The following GLIPR1 variants were observed in gnomAD, a reference collection of about 807,000 sequenced individuals.
GLIPR1 encodes GLI pathogenesis related 1.
Under a neutral mutation model 30.3 loss-of-function variants are expected in GLIPR1, and 38 were observed. The ratio of observed to expected loss-of-function variants is 1.26; its 90% CI spans 0.97 to 1.65. The LOEUF (loss-of-function observed/expected upper bound fraction) is 1.65, where lower values mean the gene tolerates loss of function less well. Ranked by LOEUF, GLIPR1 falls within the 40% of genes most tolerant of loss-of-function variation. The probability of loss-of-function intolerance (pLI) is 0.00; values close to 1 mark genes in which losing one functional copy is unlikely to be tolerated. For missense variants in GLIPR1, 285 were observed against 326.5 expected (o/e 0.87, Z 0.98); for synonymous variants, 122 against 110.6 (o/e 1.10, Z -0.65).
At chr12:75,495,909 T>C (rs537522133) in intron 4 of GLIPR1, 6 of 301,388 alleles carry the variant, frequency 2.0e-5, no homozygotes, top group African/African-American at 8.7e-5. Context: ...TGTCAGAAAC[T>C]GTAGACTAAG....
At chr12:75,490,194 T>G (rs1257853575) in intron 2 of GLIPR1, among the ~76,000 whole-genome samples, 1 of 57,540 alleles carries the variant, frequency 1.7e-5, no homozygotes, top group Admixed American at 2.7e-4. Flanking sequence ...ATTATCTTAT[T>G]TCACACACAC....
At position 75,495,609 on chromosome 12, in the gene GLIPR1, G is replaced by A. The variant is rs765859318; in HGVS notation, c.566G>A (p.Gly189Glu). The change falls in exon 4 of 6, where the codon GGA (glycine) becomes GAA (glutamate). Residue 189 changes from glycine to glutamate, a missense_variant. By Grantham distance (98) the Gly-to-Glu change is moderately conservative. Transcript: ENST00000266659. ...GNYPTWPYKRGATCSACPNND... is the reference protein window; with the variant it reads ...GNYPTWPYKREATCSACPNND... The stretch of plus-strand genomic sequence containing the variant: ...TACCCAACTTGGCCATATAAGAGAG[G>A]AGCCACCTGCAGTGCCTGCCCCAAT... 1.9e-6 allele frequency: 3 copies of A among 1,610,294 alleles called. No individual in the cohort carries two copies. Among genetic ancestry groups the A allele is most frequent in the Admixed American group, 1.7e-5 (1 of 59,996 alleles).
chr12:75,482,378 A>C (rs910117381), intron 2 of GLIPR1, among the ~76,000 whole-genome samples: 1 of 152,202 alleles, frequency 6.6e-6, no homozygotes, highest in African/African-American at 2.4e-5. Context: ...TTATGAGTGA[A>C]AGGATTTTCA....
rs746309452 is a variant in GLIPR1 at position 75,482,090 on chromosome 12, G to A, written c.420+11G>A. 3 of 1,609,490 alleles carry A rather than the reference G, an allele frequency of 1.9e-6. No homozygotes were observed. Among genetic ancestry groups the A allele is most frequent in the Non-Finnish European group, 2.5e-6 (3 of 1,176,510 alleles). ...GGCCACTACACTCAGGTAAGGATCT[G>A]CCCTATATTATCTTGAAACTGTCTT... On this transcript the variant is annotated intron_variant, in intron 2 of 5. Transcript: ENST00000266659.
At chr12:75,487,585 C>T (rs2046299472) in intron 2 of GLIPR1, among the ~76,000 whole-genome samples, 1 of 152,144 alleles carries the variant, frequency 6.6e-6, no homozygotes, top group African/African-American at 2.4e-5. Flanking sequence ...AAGGAGGGTA[C>T]CCTCTCCAGT....
At position 75,481,847 on chromosome 12, in the gene GLIPR1, C is replaced by G; in HGVS notation, c.188C>G (p.Ala63Gly). 6.2e-7 allele frequency: 1 copy of G among 1,613,976 alleles called. No individual in the cohort carries two copies. Among genetic ancestry groups the G allele is most frequent in the Non-Finnish European group, 8.5e-7 (1 of 1,179,870 alleles). The change falls in exon 2 of 6, where the codon GCA becomes GGA. Residue 63 changes from alanine to glycine, a missense_variant. Ala to Gly is a moderately conservative substitution (Grantham distance 60, BLOSUM62 0). Coordinates refer to ENST00000266659, the MANE Select transcript of GLIPR1 (RefSeq NM_006851.3). The part of the protein sequence containing the change: ...SDMLYMTWDP[A>G]LAQIAKAWAS... ...TTATTTTTGCAGACTTGGGACCCAG[C>G]ACTAGCCCAAATTGCAAAAGCATGG...
chr12:75,481,824 A>C lies in GLIPR1; in HGVS notation c.175-10A>C. The C allele has an allele frequency of 6.2e-7, 1 of 1,613,392 alleles. No individual in the cohort carries two copies. Among genetic ancestry groups the C allele is most frequent in the South Asian group, 1.1e-5 (1 of 91,068 alleles). ...ATGAACCCCCTATTGTTTAATGTTT[A>C]TTTTTGCAGACTTGGGACCCAGCAC... On this transcript the variant is annotated splice_polypyrimidine_tract_variant and intron_variant, in intron 1 of 5. Transcript: ENST00000266659.
At position 75,487,877 on chromosome 12, in the gene GLIPR1, AC is replaced by A. The variant is rs2046300973; in HGVS notation, c.421-2528del. 4 of 443,152 alleles carry A rather than the reference AC, an allele frequency of 9.0e-6. No homozygotes were observed. The Admixed American group carries it at 9.6e-5, about 11-fold the overall frequency. The allele number at this position is 443,152 out of a possible 1,614,324, so 27.5% of individuals were successfully genotyped here. On this transcript the variant is annotated intron_variant, in intron 2 of 5. Coordinates refer to ENST00000266659, the MANE Select transcript of GLIPR1 (RefSeq NM_006851.3). ...AAATAAAAGAATGGCTACTCCATAGACAGAGCAGTCCTGAGGGCTGCTGGTT... is the reference window on the plus strand; with the variant it reads ...AAATAAAAGAATGGCTACTCCATAGAAGAGCAGTCCTGAGGGCTGCTGGTT...
In GLIPR1 at chr12:75,499,715, C is replaced by T; in HGVS notation, c.*737C>T. 1.2e-6 allele frequency: 1 copy of T among 861,760 alleles called. No individual in the cohort carries two copies. Among genetic ancestry groups the T allele is most frequent in the East Asian group, 2.8e-5 (1 of 35,346 alleles). 53.4% of individuals were successfully genotyped at this position (861,760 alleles called of 1,614,324 possible). On this transcript the variant is annotated 3_prime_UTR_variant, in exon 6 of 6. Coordinates refer to ENST00000266659, the MANE Select transcript of GLIPR1 (RefSeq NM_006851.3). Reference sequence around the variant, plus strand: ...ACCACCACCAAAAAAAAAAAAAGCCCTCAGAAAATTTCTCACAAATAAGGC... The same window carrying T: ...ACCACCACCAAAAAAAAAAAAAGCCTTCAGAAAATTTCTCACAAATAAGGC...
chr12:75,481,776 T>G, intron 1 of GLIPR1, 58 bp from the exon 2 acceptor site: 1 of 1,528,686 alleles, frequency 6.5e-7, no homozygotes, highest in Non-Finnish European at 9.0e-7. Flanking sequence ...ATTCCCACTG[T>G]ACTCACCCCA....
intron 2 of GLIPR1, among the ~76,000 whole-genome samples, chr12:75,487,984 G>A (rs189607952): frequency 6.6e-6 from 1 of 152,250 alleles, no homozygotes; most frequent in Non-Finnish European, 1.5e-5. Context: ...GACGATACAG[G>A]GTAACTTCCT....
rs572341934 is a variant in GLIPR1 at position 75,487,963 on chromosome 12, C to T, written c.421-2443C>T. Among the ~76,000 whole-genome samples the T allele has an allele frequency of 3.7e-4, 57 of 152,256 alleles. 1 individual carries two copies. Among genetic ancestry groups the T allele is most frequent in the Admixed American group, 3.4e-3 (52 of 15,306 alleles). On this transcript the variant is annotated intron_variant, in intron 2 of 5. Coordinates refer to ENST00000266659, the MANE Select transcript of GLIPR1 (RefSeq NM_006851.3). ...AAACAAGGGGCAGATTATTCATGCC[C>T]TCCCTTTTTAGACGATACAGGGTAA...
At chr12:75,487,671 T>C (rs2046299869) in intron 2 of GLIPR1, 1 of 439,844 alleles carries the variant, frequency 2.3e-6, no homozygotes, top group Non-Finnish European at 4.6e-6. Flanking sequence ...ACCACACCTT[T>C]AAATCTTGGA....
chr12:75,495,567 T>C lies in GLIPR1; in HGVS notation c.534-10T>C, dbSNP rs1318003990. On this transcript the variant is annotated splice_polypyrimidine_tract_variant and intron_variant, in intron 3 of 5. Transcript: ENST00000266659. ...AAACTTCTAATGGACATCCTTCTTC[T>C]GCTTTACAGAGGGAATTACCCAACT... 6.5e-7 allele frequency: 1 copy of C among 1,536,372 alleles called. No homozygotes were observed.
intron 1 of GLIPR1, among the ~76,000 whole-genome samples, chr12:75,481,577 C>T (rs2046271207): frequency 1.3e-5 from 2 of 152,074 alleles, no homozygotes; most frequent in Non-Finnish European, 2.9e-5. Flanking sequence ...TTGTGAAACA[C>T]GGCACACACT....
At chr12:75,497,731 G>GTC (rs972661619) in intron 4 of GLIPR1, 1 of 151,996 alleles carries the variant, frequency 6.6e-6, no homozygotes, top group Non-Finnish European at 1.5e-5. Flanking sequence ...TTCCTTCGTG[G>GTC]TCTCCTAGAT....
At chr12:75,481,357 C>CTTTTTTTTTTTTTTTTTTTGTTTTTT (rs2046269823) in intron 1 of GLIPR1, 2 of 144,302 alleles carry the variant, frequency 1.4e-5, no homozygotes, top group African/African-American at 2.8e-5. Context: ...ATTTGGTTTT[C>CTTTTTTTTTTTTTTTTTTTGTTTTTT]TTTTTTTTTT....
Position 75,498,981 on chromosome 12 carries a change from C to CAA in GLIPR1, c.*4_*5dup, listed in dbSNP as rs2046370927. 1.7e-5 allele frequency: 27 copies of CAA among 1,555,336 alleles called. No homozygotes were observed. The highest frequency in any genetic ancestry group is 2.3e-5 in the Non-Finnish European group (27 of 1,155,942). On this transcript the variant is annotated 3_prime_UTR_variant, in exon 6 of 6. Transcript: ENST00000266659. ...CTAATTTAGTTCTTTTGGACTAATA[C>CAA]AATTCAGGAAAGAAAAAACCCAAAA...
At chr12:75,498,778 T>C in intron 5 of GLIPR1, 46 bp from the exon 6 acceptor site, 3 of 1,607,706 alleles carry the variant, frequency 1.9e-6, no homozygotes, top group Middle Eastern at 1.7e-4. Flanking sequence ...TGTCAGTGCA[T>C]TATGAGGAAC....
Sources: gnomAD v4.1 joint callset for allele counts (sites outside exome capture counted in the v4.1 genomes callset) on GRCh38, gnomAD v4.1.1 for gene constraint, MANE v1.5 for transcripts, NCBI Gene and HGNC (gene_info 2026-07-23, HGNC 2026-07-21) for gene names.